Variants in KLHL32 observed in about 807,000 individuals in gnomAD.
The protein encoded by KLHL32 is kelch like family member 32.
In KLHL32, 35 loss-of-function variants were observed where a neutral mutation model predicts 64.8. The observed-to-expected ratio is 0.54, with a 90% confidence interval of 0.41 to 0.72. KLHL32 has a LOEUF of 0.72. Ranked by LOEUF, KLHL32 falls within the 30% of genes least tolerant of loss-of-function variation. The pLI is 0.00. For missense variants in KLHL32, 589 were observed against 768.5 expected (o/e 0.77, Z 2.76); for synonymous variants, 259 against 281.0 (o/e 0.92, Z 0.78).
At chr6:96,928,443 G>A (rs555786470) in intron 1 of KLHL32, among the ~76,000 whole-genome samples, 21 of 152,326 alleles carry the variant, frequency 1.4e-4, no homozygotes, top group African/African-American at 5.1e-4. Flanking sequence ...TGCAACTGCG[G>A]ATGGGTGGGA....
At chr6:97,078,357 CG>C (rs1486670846) in intron 5 of KLHL32, among the ~76,000 whole-genome samples, 6 of 152,070 alleles carry the variant, frequency 3.9e-5, no homozygotes, top group Non-Finnish European at 8.8e-5. Flanking sequence ...AGTAAAGTAT[CG>C]ACATGGGGTA....
intron 3 of KLHL32, chr6:96,999,390 T>A (rs1262960813): frequency 3.9e-6 from 1 of 255,424 alleles, no homozygotes; most frequent in Non-Finnish European, 6.1e-6. Flanking sequence ...AGTAAGACTC[T>A]GTCTCAACAA....
At chr6:97,131,408 A>G (rs1175150653) in intron 9 of KLHL32, among the ~76,000 whole-genome samples, 2 of 152,202 alleles carry the variant, frequency 1.3e-5, no homozygotes, top group East Asian at 1.9e-4. Context: ...GTATTCTCCT[A>G]GAAATGAAAC....
At chr6:96,911,741 T>G in the KLHL32 span, among the ~76,000 whole-genome samples, 2 of 151,698 alleles carry the variant, frequency 1.3e-5, no homozygotes, top group African/African-American at 2.4e-5. Context: ...TTTTCTTACT[T>G]ATTACTCAGC....
At chr6:96,995,716 A>G (rs1778340288) in intron 3 of KLHL32, among the ~76,000 whole-genome samples, 1 of 152,128 alleles carries the variant, frequency 6.6e-6, no homozygotes, top group Admixed American at 6.5e-5. Context: ...TACCCTGTCC[A>G]TCTTCCAAGG....
chr6:97,111,279 C>G (rs1371953987), intron 6 of KLHL32, among the ~76,000 whole-genome samples: 2 of 152,222 alleles, frequency 1.3e-5, no homozygotes, highest in African/African-American at 2.4e-5. Context: ...AGAAGAAAGT[C>G]TGAGGACAAG....
At chr6:97,024,370 A>C (rs1196744816) in intron 3 of KLHL32, among the ~76,000 whole-genome samples, 4 of 151,458 alleles carry the variant, frequency 2.6e-5, no homozygotes, top group Non-Finnish European at 5.9e-5. Context: ...GACCTTGTGA[A>C]CATGAAGAAG....
intron 7 of KLHL32, among the ~76,000 whole-genome samples, chr6:97,124,173 G>A (rs567085302): frequency 6.6e-6 from 1 of 152,314 alleles, no homozygotes. Context: ...GGGAAGGCAA[G>A]AGAACCAGTT....
chr6:97,019,808 T>A (rs1238830601), intron 3 of KLHL32, among the ~76,000 whole-genome samples: 1 of 151,844 alleles, frequency 6.6e-6, no homozygotes, highest in Non-Finnish European at 1.5e-5. Flanking sequence ...TGAGACGGAG[T>A]CTCCCTCTGT....
intron 3 of KLHL32, among the ~76,000 whole-genome samples, chr6:97,012,936 C>CT (rs1780604752): frequency 2.6e-5 from 4 of 152,196 alleles, no homozygotes; most frequent in South Asian, 2.1e-4. Flanking sequence ...CCTCAGCACT[C>CT]TAAGTCCAAA....
intron 3 of KLHL32, among the ~76,000 whole-genome samples, chr6:97,033,567 G>A (rs1287115246): frequency 6.6e-6 from 1 of 152,040 alleles, no homozygotes; most frequent in Non-Finnish European, 1.5e-5. Flanking sequence ...TAGATCATAA[G>A]CTAGTTCTTT....
At chr6:97,023,963 G>A (rs1336896919) in intron 3 of KLHL32, among the ~76,000 whole-genome samples, 1 of 152,168 alleles carries the variant, frequency 6.6e-6, no homozygotes, top group Non-Finnish European at 1.5e-5. Context: ...AGTCCAAGGA[G>A]CTGTAGAAAT....
chr6:97,014,154 C>G (rs1161838462), intron 3 of KLHL32, among the ~76,000 whole-genome samples: 1 of 151,904 alleles, frequency 6.6e-6, no homozygotes, highest in Non-Finnish European at 1.5e-5. Flanking sequence ...ATTAGCCGGG[C>G]GTTGTGGTGG....
chr6:96,944,248 G>C (rs1156898910), intron 1 of KLHL32, among the ~76,000 whole-genome samples: 1 of 152,140 alleles, frequency 6.6e-6, no homozygotes, highest in African/African-American at 2.4e-5. Context: ...TGAATTCAAG[G>C]TATCAGAATA....
At chr6:96,931,027 A>G (rs1229821555) in intron 1 of KLHL32, among the ~76,000 whole-genome samples, 1 of 152,192 alleles carries the variant, frequency 6.6e-6, no homozygotes, top group Non-Finnish European at 1.5e-5. Context: ...TCTAGAGCCC[A>G]CATCTTTCTT....
At chr6:97,088,776 T>TA (rs968658587) in intron 6 of KLHL32, among the ~76,000 whole-genome samples, 9 of 152,206 alleles carry the variant, frequency 5.9e-5, no homozygotes, top group South Asian at 2.1e-4. Flanking sequence ...CAATTCTTCA[T>TA]AAAAAAAACT....
chr6:97,035,689 A>C (rs1465125040), intron 3 of KLHL32, among the ~76,000 whole-genome samples: 1 of 152,170 alleles, frequency 6.6e-6, no homozygotes, highest in African/African-American at 2.4e-5. Flanking sequence ...TACTAAAAAA[A>C]AATCCACTGA....
At chr6:96,996,632 A>G (rs9481178) in intron 3 of KLHL32, among the ~76,000 whole-genome samples, 37,226 of 152,002 alleles carry the variant, frequency 0.24, 5,887 homozygotes, top group East Asian at 0.53. Flanking sequence ...TTGGTATACC[A>G]GTTTTGGCGT....
intron 6 of KLHL32, among the ~76,000 whole-genome samples, chr6:97,099,464 C>A (rs1038899267): frequency 6.6e-6 from 1 of 151,962 alleles, no homozygotes; most frequent in Non-Finnish European, 1.5e-5. Context: ...TTCTTTCATT[C>A]GACATTGATG....
Sources: gnomAD v4.1 joint callset for allele counts (sites outside exome capture counted in the v4.1 genomes callset) on GRCh38, gnomAD v4.1.1 for gene constraint, MANE v1.5 for transcripts, NCBI Gene and HGNC (gene_info 2026-07-23, HGNC 2026-07-21) for gene names.